The following TMEM41B variants were observed in gnomAD, a reference collection of about 807,000 sequenced individuals.
TMEM41B encodes protein stasimon.
A neutral mutation model predicts 31.9 loss-of-function variants in TMEM41B; 18 were observed. The ratio of observed to expected loss-of-function variants is 0.56; its 90% CI spans 0.39 to 0.84. The LOEUF (loss-of-function observed/expected upper bound fraction) is 0.84, where lower values mean the gene tolerates loss of function less well. Among genes scored for constraint, TMEM41B ranks in the 40% least tolerant of loss-of-function variants. The probability of loss-of-function intolerance (pLI) is 0.00; values close to 1 mark genes in which losing one functional copy is unlikely to be tolerated. For missense variants in TMEM41B, 322 were observed against 348.0 expected (o/e 0.93, Z 0.59); for synonymous variants, 144 against 124.3 (o/e 1.16, Z -1.05).
chr11:9,314,170 G>A (rs1853629975), intron 1 of TMEM41B, 151 bp downstream of exon 1: 2 of 1,028,964 alleles, frequency 1.9e-6, no homozygotes, highest in Non-Finnish European at 2.7e-6. Context: ...GAGCGCCCAA[G>A]CCCAACTCCC....
At chr11:9,299,400 T>G (rs1853190066) in intron 2 of TMEM41B, among the ~76,000 whole-genome samples, 184 bp downstream of exon 2, 1 of 150,628 alleles carries the variant, frequency 6.6e-6, no homozygotes, top group Non-Finnish European at 1.5e-5. Flanking sequence ...TATAGATGTA[T>G]GTATTTCCAC....
chr11:9,288,060 G>C (rs1329839340), intron 4 of TMEM41B: 3 of 454,218 alleles, frequency 6.6e-6, no homozygotes, highest in Middle Eastern at 5.8e-4. Flanking sequence ...CTAGGCTTTA[G>C]CCTAAGAATA....
At chr11:9,311,650 A>G in intron 1 of TMEM41B, 1 of 861,324 alleles carries the variant, frequency 1.2e-6, no homozygotes, top group Non-Finnish European at 1.9e-6. Flanking sequence ...TTGGGTGGAT[A>G]TGGATTTGGC....
Position 9,281,476 on chromosome 11 carries a change from T to C in TMEM41B, c.*1948A>G, listed in dbSNP as rs1004606611. 3 of 152,202 alleles carry C rather than the reference T, an allele frequency of 2.0e-5. No homozygotes were observed. The highest frequency in any genetic ancestry group is 7.2e-5 in the African/African-American group (3 of 41,448). 9.4% of individuals were successfully genotyped at this position (152,202 alleles called of 1,614,324 possible). A position where few individuals can be genotyped will look rare whatever the true frequency, so the allele number is the denominator to read the frequency against. ...TAGAAAAAATAATCAGTCCACATCA[T>C]GTAATAAAAACAGGCTTTGAGGATG... On this transcript the variant is annotated 3_prime_UTR_variant, in exon 7 of 7. Coordinates refer to ENST00000528080, the MANE Select transcript of TMEM41B (RefSeq NM_015012.4).
At chr11:9,305,655 GGTATGCTACTTTTAAATCCATCTAAAA>G (rs1279248159) in intron 1 of TMEM41B, among the ~76,000 whole-genome samples, 7 of 152,124 alleles carry the variant, frequency 4.6e-5, no homozygotes, top group East Asian at 3.9e-4. Flanking sequence ...ACTTCTTAAA[GGTATGCTACTTTTAAATCCATCTAAAA>G]GTATGCTACT....
At chr11:9,304,355 G>A (rs1329362980) in intron 1 of TMEM41B, among the ~76,000 whole-genome samples, 1 of 152,094 alleles carries the variant, frequency 6.6e-6, no homozygotes, top group Non-Finnish European at 1.5e-5. Flanking sequence ...TCACTCAGAA[G>A]TTATATTCTC....
At chr11:9,286,364 C>T (rs1225479828) in intron 6 of TMEM41B, 91 bp downstream of exon 6, 1 of 1,320,574 alleles carries the variant, frequency 7.6e-7, no homozygotes, top group Admixed American at 2.5e-5. Context: ...CTGGCATAAT[C>T]TGCAGAGAGC....
intron 1 of TMEM41B, among the ~76,000 whole-genome samples, chr11:9,301,734 CTT>C (rs750483820): frequency 6.6e-6 from 1 of 152,132 alleles, no homozygotes; most frequent in Non-Finnish European, 1.5e-5. Flanking sequence ...CAGATTTTCT[CTT>C]GATAATTTGA....
intron 5 of TMEM41B, among the ~76,000 whole-genome samples, chr11:9,286,810 G>A (rs1852847482): frequency 6.6e-6 from 1 of 151,890 alleles, no homozygotes; most frequent in Non-Finnish European, 1.5e-5. Flanking sequence ...GAACAGCCTG[G>A]CTAACATGGT....
intron 3 of TMEM41B, among the ~76,000 whole-genome samples, chr11:9,291,398 A>G (rs528283211): frequency 2.9e-4 from 31 of 105,880 alleles, no homozygotes; most frequent in Non-Finnish European, 6.0e-4. Context: ...AATTATAATA[A>G]TAATAAAAAT....
intron 3 of TMEM41B, among the ~76,000 whole-genome samples, chr11:9,289,974 A>T (rs970063183): frequency 6.6e-6 from 1 of 152,034 alleles, no homozygotes; most frequent in African/African-American, 2.4e-5. Context: ...AAAACTCGAA[A>T]TTCTCTTTGG....
At chr11:9,300,276 G>A (rs893800214) in intron 1 of TMEM41B, among the ~76,000 whole-genome samples, 1 of 151,954 alleles carries the variant, frequency 6.6e-6, no homozygotes, top group Non-Finnish European at 1.5e-5. Context: ...AGCCAAAGGG[G>A]AAAAAAAGAA....
intron 1 of TMEM41B, among the ~76,000 whole-genome samples, chr11:9,309,353 A>T (rs1238260645): frequency 1.3e-5 from 2 of 151,946 alleles, no homozygotes; most frequent in Non-Finnish European, 2.9e-5. Context: ...ACATGGACCA[A>T]TAAGCTCCCT....
At position 9,314,562 on chromosome 11, in the gene TMEM41B, A is replaced by T; in HGVS notation, c.-121T>A. 7.4e-7 allele frequency: 1 copy of T among 1,349,862 alleles called. No individual in the cohort carries two copies. Among genetic ancestry groups the T allele is most frequent in the Non-Finnish European group, 9.8e-7 (1 of 1,019,222 alleles). The allele number at this position is 1,349,862 out of a possible 1,614,324, so 83.6% of individuals were successfully genotyped here. A position where few individuals can be genotyped will look rare whatever the true frequency, so the allele number is the denominator to read the frequency against. Reference sequence around the variant, plus strand: ...GAGCCACTTCCGGCGCGACCTCCTCACCCGAGACGACCTCAGCCCAGCGAG... The same window carrying T: ...GAGCCACTTCCGGCGCGACCTCCTCTCCCGAGACGACCTCAGCCCAGCGAG... On this transcript the variant is annotated 5_prime_UTR_variant, in exon 1 of 7. Transcript: ENST00000528080.
chr11:9,308,025 C>T (rs566023282), intron 1 of TMEM41B, among the ~76,000 whole-genome samples: 17 of 151,958 alleles, frequency 1.1e-4, no homozygotes, highest in Admixed American at 7.9e-4. Context: ...CGTGAGCCAC[C>T]GCGCCCAGCC....
chr11:9,296,838 G>A (rs1163688200), intron 2 of TMEM41B, among the ~76,000 whole-genome samples: 1 of 152,134 alleles, frequency 6.6e-6, no homozygotes, highest in Non-Finnish European at 1.5e-5. Context: ...TTGGCACTTT[G>A]TTTGGAACTG....
At chr11:9,307,614 G>C (rs1226859046) in intron 1 of TMEM41B, among the ~76,000 whole-genome samples, 1 of 149,398 alleles carries the variant, frequency 6.7e-6, no homozygotes, top group South Asian at 2.1e-4. Context: ...GGCTAATTTT[G>C]TATTTTTAGT....
At position 9,282,484 on chromosome 11, in the gene TMEM41B, C is replaced by T. The variant is rs1050564046; in HGVS notation, c.*940G>A. 6.6e-6 allele frequency: 1 copy of T among 151,904 alleles called. No individual in the cohort carries two copies. Among genetic ancestry groups the T allele is most frequent in the Non-Finnish European group, 1.5e-5 (1 of 67,974 alleles). The allele number at this position is 151,904 out of a possible 1,614,324, so 9.4% of individuals were successfully genotyped here. A position where few individuals can be genotyped will look rare whatever the true frequency, so the allele number is the denominator to read the frequency against. ...TAAAAACTACAAGATGAAAGAAAAC[C>T]GACTGGCCAGAACTTTAAATTTCAG... On this transcript the variant is annotated 3_prime_UTR_variant, in exon 7 of 7. Coordinates refer to ENST00000528080, the MANE Select transcript of TMEM41B (RefSeq NM_015012.4).
chr11:9,308,446 C>T lies in TMEM41B; in HGVS notation c.121+5875G>A, dbSNP rs576640859. ...TTTTCTTCCATGAGCTTACTTCTTC[C>T]ATTTTCTCCCTTCTGTTGGACTCTT... On this transcript the variant is annotated intron_variant, in intron 1 of 6. Transcript: ENST00000528080. Among the ~76,000 whole-genome samples the T allele has an allele frequency of 2.0e-5, 3 of 152,250 alleles. No individual in the cohort carries two copies. The South Asian group carries it at 6.2e-4, about 32-fold the overall frequency.
Sources: gnomAD v4.1 joint callset for allele counts (sites outside exome capture counted in the v4.1 genomes callset) on GRCh38, gnomAD v4.1.1 for gene constraint, MANE v1.5 for transcripts, NCBI Gene and HGNC (gene_info 2026-07-23, HGNC 2026-07-21) for gene names.